Variants in AARS1 observed in about 807,000 individuals in gnomAD.
AARS1 encodes alanyl-tRNA synthetase 1.
Under a neutral mutation model 108.9 loss-of-function variants are expected in AARS1, and 72 were observed. The observed-to-expected ratio is 0.66, with a 90% CI of 0.55 to 0.80. The LOEUF (loss-of-function observed/expected upper bound fraction) is 0.80, where lower values mean the gene tolerates loss of function less well. Among genes scored for constraint, AARS1 ranks in the 30% least tolerant of loss-of-function variants. The probability of loss-of-function intolerance (pLI) is 0.00; values close to 1 mark genes in which losing one functional copy is unlikely to be tolerated. For missense variants in AARS1, 1,193 were observed against 1,233.2 expected, an observed-to-expected ratio of 0.97 and a Z score of 0.49; for synonymous variants, 489 against 465.7, an observed-to-expected ratio of 1.05 and a Z score of -0.64.
Position 70,253,145 on chromosome 16 carries a change from G to T in AARS1, c.2721+123C>A, listed in dbSNP as rs570398491. 3.9e-5 allele frequency: 36 copies of T among 917,668 alleles called. No homozygotes were observed. The Admixed American group carries it at 6.0e-4, about 15-fold the overall frequency. 56.8% of individuals were successfully genotyped at this position (917,668 alleles called of 1,614,324 possible). A position where few individuals can be genotyped will look rare whatever the true frequency, so the allele number is the denominator to read the frequency against. On this transcript the variant is annotated intron_variant, in intron 20 of 20. Transcript: ENST00000261772. ...ACCAATAAGAAGGCCTGGGTAAGGGGTACTGGCAAAGGTAACCAACCGGTG... is the reference window on the plus strand; with the variant it reads ...ACCAATAAGAAGGCCTGGGTAAGGGTTACTGGCAAAGGTAACCAACCGGTG...
intron 13 of AARS1, 106 bp from the exon 14 acceptor site, chr16:70,259,292 G>T: frequency 1.7e-6 from 2 of 1,184,152 alleles, no homozygotes; most frequent in Non-Finnish European, 2.5e-6. Flanking sequence ...AAATATGGCT[G>T]TGCAGAATAA....
At chr16:70,257,953 G>C (rs1960029282) in intron 15 of AARS1, 80 bp downstream of exon 15, 6 of 1,501,032 alleles carry the variant, frequency 4.0e-6, no homozygotes, top group Admixed American at 3.4e-5. Context: ...AGACAGACAA[G>C]AGTTGGTCCA....
At position 70,265,573 on chromosome 16, in the gene AARS1, T is replaced by G. The variant is rs1246753965; in HGVS notation, c.1312A>C (p.Met438Leu). The change falls in exon 10 of 21, where the codon ATG (methionine) becomes CTG (leucine). Residue 438 changes from methionine (M) to leucine (L), a missense_variant. By Grantham distance (15) the Met-to-Leu change is conservative. Transcript: ENST00000261772. ...IAEEKGLVVD[M>L]DGFEEERKLA... ...TTCCTCTCCTCTTCAAAGCCATCCA[T>G]GTCTACCACCAGGCCCTTCTCTTCA... 6.2e-7 allele frequency: 1 copy of G among 1,614,070 alleles called. No homozygotes were observed. Among genetic ancestry groups the G allele is most frequent in the East Asian group, 2.2e-5 (1 of 44,868 alleles).
At position 70,270,286 on chromosome 16, in the gene AARS1, C is replaced by G. The variant is rs780360628; in HGVS notation, c.726G>C (p.Met242Ile). 1 of 1,614,174 alleles carries G rather than the reference C, an allele frequency of 6.2e-7. No homozygotes were observed. Among genetic ancestry groups the G allele is most frequent in the Non-Finnish European group, 8.5e-7 (1 of 1,180,020 alleles). The part of the protein sequence containing the change: ...PLPKKSIDTG[M>I]GLERLVSVLQ... Reference sequence around the variant, plus strand: ...GCACAGATACCAGTCGTTCCAGGCCCATCCCTGTGTCAATGCTTTTCTTGG... The same window carrying G: ...GCACAGATACCAGTCGTTCCAGGCCGATCCCTGTGTCAATGCTTTTCTTGG... The change falls in exon 6 of 21, where the codon ATG becomes ATC. Residue 242 changes from methionine (M) to isoleucine (I), a missense_variant. Coordinates refer to ENST00000261772, the MANE Select transcript of AARS1 (RefSeq NM_001605.3).
intron 1 of AARS1, among the ~76,000 whole-genome samples, chr16:70,287,577 G>A (rs1960881436): frequency 6.6e-6 from 1 of 150,718 alleles, no homozygotes; most frequent in Non-Finnish European, 1.5e-5. Context: ...AGCCTGGGAG[G>A]TCAATTTTTT....
chr16:70,258,122 G>T lies in AARS1; in HGVS notation c.2088C>A (p.Val696=), dbSNP rs761976449. The T allele has an allele frequency of 6.2e-7, 1 of 1,613,608 alleles. No homozygotes were observed. Among genetic ancestry groups the T allele is most frequent in the Admixed American group, 1.7e-5 (1 of 59,940 alleles). ...CGGACACCGGGACCCCAATGGAGAC[G>T]ACTCGCACAGGGTCAGGATAGGTCT... The part of the protein sequence containing the change: ...FDETYPDPVR[V]VSIGVPVSEL... The change falls in exon 15 of 21, where the codon GTC becomes GTA. Residue 696 remains valine (V), a synonymous_variant. Coordinates refer to ENST00000261772, the MANE Select transcript of AARS1 (RefSeq NM_001605.3).
Position 70,276,476 on chromosome 16 carries a change from G to C in AARS1, c.479+10C>G. The C allele has an allele frequency of 6.2e-7, 1 of 1,613,742 alleles. No individual in the cohort carries two copies. ...CCTCCATACTCTCAAGAAGTGATGT[G>C]CATTCTTACCCCAAATTTTGCCAGA... is the stretch of plus-strand genomic sequence containing the variant. On this transcript the variant is annotated intron_variant, in intron 4 of 20. Coordinates refer to ENST00000261772, the MANE Select transcript of AARS1 (RefSeq NM_001605.3).
chr16:70,274,957 G>C (rs1460756620), intron 4 of AARS1, among the ~76,000 whole-genome samples: 1 of 151,558 alleles, frequency 6.6e-6, no homozygotes. Flanking sequence ...ACTTGTTTTG[G>C]CTTTCAACAA....
At chr16:70,255,441 A>G (rs1019542705) in intron 16 of AARS1, among the ~76,000 whole-genome samples, 1 of 151,556 alleles carries the variant, frequency 6.6e-6, no homozygotes, top group East Asian at 1.9e-4. Context: ...CTAGTGATCC[A>G]CCCGCCTCGG....
chr16:70,288,918 G>GT (rs1438162171), intron 1 of AARS1, among the ~76,000 whole-genome samples: 4 of 152,020 alleles, frequency 2.6e-5, no homozygotes, highest in Non-Finnish European at 5.9e-5. Context: ...TGCTAAATAC[G>GT]TATTTCGTGA....
chr16:70,288,691 G>A (rs534896587), intron 1 of AARS1, among the ~76,000 whole-genome samples: 2 of 151,120 alleles, frequency 1.3e-5, no homozygotes, highest in South Asian at 2.1e-4. Flanking sequence ...CTCAGCCTCC[G>A]GAGTGGCTGA....
chr16:70,276,475 T>A lies in AARS1; in HGVS notation c.479+11A>T. On this transcript the variant is annotated intron_variant, in intron 4 of 20. Coordinates refer to ENST00000261772, the MANE Select transcript of AARS1 (RefSeq NM_001605.3). Reference sequence around the variant, plus strand: ...TCCTCCATACTCTCAAGAAGTGATGTGCATTCTTACCCCAAATTTTGCCAG... The same window carrying A: ...TCCTCCATACTCTCAAGAAGTGATGAGCATTCTTACCCCAAATTTTGCCAG... The A allele has an allele frequency of 6.2e-7, 1 of 1,613,880 alleles. No homozygotes were observed. Among genetic ancestry groups the A allele is most frequent in the Non-Finnish European group, 8.5e-7 (1 of 1,179,896 alleles).
At chr16:70,269,339 AAAAAAAAAAAAAAAAAAAAAAC>A (rs1289063721) in intron 7 of AARS1, among the ~76,000 whole-genome samples, 2 of 39,490 alleles carry the variant, frequency 5.1e-5, no homozygotes, top group Non-Finnish European at 1.1e-4. Flanking sequence ...AAAAAAAAAA[AAAAAAAAAAAAAAAAAAAAAAC>A]AACCGTCTCT....
intron 4 of AARS1, among the ~76,000 whole-genome samples, chr16:70,274,349 GA>G (rs201413671): frequency 6.5e-4 from 98 of 150,160 alleles, no homozygotes; most frequent in Non-Finnish European, 9.2e-4. Context: ...CTCAAAAAAA[GA>G]AAAAAAAATT....
intron 9 of AARS1, among the ~76,000 whole-genome samples, chr16:70,267,337 G>A (rs554197438): frequency 6.6e-6 from 1 of 152,094 alleles, no homozygotes; most frequent in Non-Finnish European, 1.5e-5. Context: ...ATATCTACAT[G>A]TATTTGCATG....
rs1236037997 is a variant in AARS1 at position 70,262,368 on chromosome 16, T to G, written c.1649A>C (p.Lys550Thr). The G allele has an allele frequency of 6.2e-7, 1 of 1,614,212 alleles. No individual in the cohort carries two copies. Among genetic ancestry groups the G allele is most frequent in the African/African-American group, 1.3e-5 (1 of 75,054 alleles). ...CACATCTTCACTGCTGTCATCCACC[T>G]TCACCAGGTAGCCTTCGTCATAGAT... ...GQIYDEGYLV[K>T]VDDSSEDKTE... Residue 550 changes from lysine (K) to threonine (T), a missense_variant, in exon 12 of 21, where the codon AAG (lysine) becomes ACG (threonine). Physicochemically the swap from Lys to Thr is moderately conservative, Grantham distance 78 (BLOSUM62 -1). Coordinates refer to ENST00000261772, the MANE Select transcript of AARS1 (RefSeq NM_001605.3).
At chr16:70,272,702 GA>G (rs1960438338) in intron 4 of AARS1, among the ~76,000 whole-genome samples, 1 of 151,658 alleles carries the variant, frequency 6.6e-6, no homozygotes, top group Non-Finnish European at 1.5e-5. Context: ...CGCATTGCTT[GA>G]GCTCAGGAGT....
At chr16:70,286,989 C>T (rs1451916198) in intron 1 of AARS1, among the ~76,000 whole-genome samples, 2 of 151,790 alleles carry the variant, frequency 1.3e-5, no homozygotes, top group African/African-American at 4.8e-5. Flanking sequence ...CGGTGGCTCA[C>T]GCCTGTAATC....
intron 4 of AARS1, among the ~76,000 whole-genome samples, chr16:70,275,105 C>T (rs947902074): frequency 6.7e-6 from 1 of 150,198 alleles, no homozygotes; most frequent in Non-Finnish European, 1.5e-5. Context: ...ACTAAAAATA[C>T]AAAAATTAGC....
Sources: allele counts gnomAD v4.1 joint callset (sites outside exome capture counted in the v4.1 genomes callset), GRCh38; gene constraint gnomAD v4.1.1; transcripts MANE v1.5; gene names NCBI Gene and HGNC (gene_info 2026-07-23, HGNC 2026-07-21).